The following JDP2 variants were observed in gnomAD, a reference collection of about 807,000 sequenced individuals.
JDP2 encodes the protein progesterone receptor co-activator.
Under a neutral mutation model 17.1 loss-of-function variants are expected in JDP2, and 9 were observed. The observed-to-expected ratio is 0.53, with a 90% CI of 0.32 to 0.92. The LOEUF (loss-of-function observed/expected upper bound fraction) is 0.92. Among genes scored for constraint, JDP2 ranks in the 40% least tolerant of loss-of-function variants. JDP2 has a pLI of 0.04. For synonymous variants in JDP2, 107 were observed against 95.6 expected (o/e 1.12, Z -0.69); for missense variants, 179 against 220.0 (o/e 0.81, Z 1.18).
chr14:75,437,751 C>G (rs1175235396), intron 1 of JDP2, 147 bp from the exon 2 acceptor site: 3 of 600,538 alleles, frequency 5.0e-6, no homozygotes, highest in Non-Finnish European at 8.6e-6. Flanking sequence ...ACAGGAAGGA[C>G]TTTACGGCAG....
At chr14:75,452,341 C>T (rs1049161114) in intron 2 of JDP2, among the ~76,000 whole-genome samples, 9 of 152,166 alleles carry the variant, frequency 5.9e-5, no homozygotes, top group Non-Finnish European at 1.2e-4. Context: ...AAATAAGGCC[C>T]CTGAGACCCA....
chr14:75,450,113 CAG>C (rs1885782086), intron 2 of JDP2, among the ~76,000 whole-genome samples: 1 of 152,198 alleles, frequency 6.6e-6, no homozygotes, highest in Non-Finnish European at 1.5e-5. Flanking sequence ...GGGCCCTGGT[CAG>C]AGACATGCTG....
chr14:75,461,828 T>C (rs1311177209), intron 3 of JDP2, among the ~76,000 whole-genome samples: 1 of 152,196 alleles, frequency 6.6e-6, no homozygotes, highest in African/African-American at 2.4e-5. Context: ...TTGACCCAGA[T>C]GGCCCAGGAC....
intron 2 of JDP2, among the ~76,000 whole-genome samples, chr14:75,444,299 C>G (rs963132410): frequency 5.3e-5 from 8 of 152,226 alleles, no homozygotes; most frequent in African/African-American, 1.9e-4. Context: ...TTGTGACTCA[C>G]TTTTCAAATG....
At position 75,430,250 on chromosome 14, in the gene JDP2, G is replaced by A. The variant is rs1306938884; in HGVS notation, c.-24+1998G>A. On this transcript the variant is annotated intron_variant, in intron 1 of 3. Transcript: ENST00000651602. This position sits in a 1 kb window ranked among gnomAD's most constrained non-coding sequence, Gnocchi z 4.5. The stretch of plus-strand genomic sequence containing the variant: ...GGTGTTGCAATGGGCTGTCTCTCTC[G>A]AGTGTCTGTTTCCAGCTCCACTCTG... Among the ~76,000 whole-genome samples the A allele has an allele frequency of 1.3e-5, 2 of 152,116 alleles. No homozygotes were observed. Among genetic ancestry groups the A allele is most frequent in the East Asian group, 3.9e-4 (2 of 5,180 alleles).
chr14:75,466,661 T>A (rs1211531676), intron 3 of JDP2, among the ~76,000 whole-genome samples: 2 of 152,218 alleles, frequency 1.3e-5, no homozygotes, highest in African/African-American at 4.8e-5. Context: ...AGGAGGCAGA[T>A]CTATGTGTGC....
intron 1 of JDP2, among the ~76,000 whole-genome samples, chr14:75,437,128 A>C (rs1336853174): frequency 7.5e-6 from 1 of 132,978 alleles, no homozygotes; most frequent in Non-Finnish European, 1.6e-5. Flanking sequence ...CAGGAGGCGG[A>C]GGTTGCAGTG....
chr14:75,444,971 T>C (rs1421268002), intron 2 of JDP2: 4 of 337,284 alleles, frequency 1.2e-5, no homozygotes, highest in African/African-American at 9.0e-5. Flanking sequence ...ACCCCTTATC[T>C]TGTTTCCTGT....
intron 1 of JDP2, among the ~76,000 whole-genome samples, chr14:75,432,496 C>T (rs1348513194): frequency 1.3e-5 from 2 of 152,240 alleles, no homozygotes; most frequent in Non-Finnish European, 2.9e-5. Context: ...CATGCCCTGC[C>T]GTCGACTTCC....
chr14:75,470,382 G>T lies in JDP2; in HGVS notation c.*907G>T, dbSNP rs570158707. 575 of 152,398 alleles carry T rather than the reference G, an allele frequency of 3.8e-3. 7 individuals carry two copies. The highest frequency in any genetic ancestry group is 0.02 in the South Asian group (96 of 4,806). 9.4% of individuals were successfully genotyped at this position (152,398 alleles called of 1,614,324 possible). A position where few individuals can be genotyped will look rare whatever the true frequency, so the allele number is the denominator to read the frequency against. On this transcript the variant is annotated 3_prime_UTR_variant, in exon 4 of 4. Transcript: ENST00000651602. Reference sequence around the variant, plus strand: ...CGGGGGTGGCCAGGGCGGGGGCGGGGTGCATTTCCATCCTTGTAAACCCTT... The same window carrying T: ...CGGGGGTGGCCAGGGCGGGGGCGGGTTGCATTTCCATCCTTGTAAACCCTT...
At chr14:75,441,037 G>C (rs1125939) in intron 2 of JDP2, among the ~76,000 whole-genome samples, 89,431 of 152,006 alleles carry the variant, frequency 0.59, 27,477 homozygotes, top group African/African-American at 0.78. Flanking sequence ...GAACCTGGCC[G>C]CAGAATGTTC....
At chr14:75,445,369 A>G (rs1215212772) in intron 2 of JDP2, 2 of 985,274 alleles carry the variant, frequency 2.0e-6, no homozygotes, top group African/African-American at 3.5e-5. Flanking sequence ...GGGCTCATTG[A>G]CTGTGCTCTG....
In JDP2 at chr14:75,472,685, G is replaced by A. The variant is rs1238579829; in HGVS notation, c.*3210G>A. 1 of 152,224 alleles carries A rather than the reference G, an allele frequency of 6.6e-6. No individual in the cohort carries two copies. Among genetic ancestry groups the A allele is most frequent in the Admixed American group, 6.5e-5 (1 of 15,286 alleles). 9.4% of individuals were successfully genotyped at this position (152,224 alleles called of 1,614,324 possible). The stretch of plus-strand genomic sequence containing the variant: ...ATACAAAGTGTTTTGTGAAATAAAA[G>A]CTCCCTAAAATGGTAATTATTTTGT... On this transcript the variant is annotated 3_prime_UTR_variant, in exon 4 of 4. Coordinates refer to ENST00000651602, the MANE Select transcript of JDP2 (RefSeq NM_001135048.2).
intron 2 of JDP2, chr14:75,445,529 T>C (rs1277411477): frequency 4.1e-6 from 4 of 985,256 alleles, no homozygotes. Flanking sequence ...GGAGGCAATG[T>C]AGCAAAGCAG....
At chr14:75,441,665 G>A (rs1885360063) in intron 2 of JDP2, among the ~76,000 whole-genome samples, 1 of 152,226 alleles carries the variant, frequency 6.6e-6, no homozygotes, top group Admixed American at 6.5e-5. Flanking sequence ...CAGGGACCCT[G>A]GGAACGTCAT....
intron 2 of JDP2, among the ~76,000 whole-genome samples, chr14:75,456,740 C>A (rs762603569): frequency 7.2e-5 from 11 of 152,214 alleles, no homozygotes; most frequent in Non-Finnish European, 1.5e-4. Flanking sequence ...CCCTGCATGA[C>A]CCCTCAGTCC....
At chr14:75,455,704 T>C (rs1886070104) in intron 2 of JDP2, among the ~76,000 whole-genome samples, 1 of 152,168 alleles carries the variant, frequency 6.6e-6, no homozygotes, top group African/African-American at 2.4e-5. Flanking sequence ...CAGCTCTCCC[T>C]GGGTTCCAAT....
At chr14:75,455,277 C>T (rs1886051166) in intron 2 of JDP2, among the ~76,000 whole-genome samples, 1 of 152,150 alleles carries the variant, frequency 6.6e-6, no homozygotes, top group Admixed American at 6.5e-5. Context: ...TGACTCCTGG[C>T]AAACGTCCAG....
intron 2 of JDP2, among the ~76,000 whole-genome samples, chr14:75,448,615 T>C (rs175641): frequency 0.99 from 151,415 of 152,376 alleles, 75,231 homozygotes; most frequent in Middle Eastern, 1. Context: ...AATCAGCAAA[T>C]ACCTTAGCGT....
Sources: allele counts gnomAD v4.1 joint callset (sites outside exome capture counted in the v4.1 genomes callset), GRCh38; gene constraint gnomAD v4.1.1; non-coding constraint Gnocchi (gnomAD v3.1); transcripts MANE v1.5; gene names NCBI Gene and HGNC (gene_info 2026-07-23, HGNC 2026-07-21).